Variants in ATRX observed in about 807,000 individuals in gnomAD.
ATRX encodes the protein ATRX chromatin remodeler, also known as chromatin remodeler ATRX.
A neutral mutation model predicts 172.6 loss-of-function variants in ATRX; 12 were observed. The observed-to-expected ratio is 0.07, with a 90% CI of 0.04 to 0.11. The LOEUF (loss-of-function observed/expected upper bound fraction) is 0.11, where lower values mean the gene tolerates loss of function less well. Ranked by LOEUF, ATRX falls within the 10% of genes least tolerant of loss-of-function variation. The pLI is 1.00. For missense variants in ATRX, 1,368 were observed against 1,767.4 expected (o/e 0.77, Z 4.05); for synonymous variants, 674 against 594.7 (o/e 1.13, Z -1.94).
At chrX:77,527,309 C>G (rs2063413793) in intron 30 of ATRX, among the ~76,000 whole-genome samples, 1 of 111,512 alleles carries the variant, frequency 9.0e-6, no homozygotes, top group African/African-American at 3.3e-5. Context: ...TATCCAGGTT[C>G]TCACATTGGG....
In ATRX at chrX:77,682,269, G is replaced by A. The variant is rs2148584222; in HGVS notation, c.2987C>T (p.Ser996Leu). ...KKGTEEKKKP[S>L]DFKKKVIKME... ...TTTAATTACTTTTTTCTTAAAGTCT[G>A]AAGGTTTCTTTTTTTCTTCAGTTCC... is the stretch of plus-strand genomic sequence containing the variant. Residue 996 changes from serine (S) to leucine (L), a missense_variant, in exon 9 of 35, where the codon TCA (serine) becomes TTA (leucine). Ser to Leu is a moderately radical substitution (Grantham distance 145, BLOSUM62 -2). This residue lies in a region of ATRX where 843 missense variants were observed against 643.1 expected (regional missense o/e 1.31). Coordinates refer to ENST00000373344, the MANE Select transcript of ATRX (RefSeq NM_000489.6). The A allele has an allele frequency of 8.3e-7, 1 of 1,200,600 alleles. No homozygotes were observed. The highest frequency in any genetic ancestry group is 1.8e-5 in the African/African-American group (1 of 56,893).
At chrX:77,721,798 C>A (rs920787734) in intron 1 of ATRX, among the ~76,000 whole-genome samples, 3 of 111,655 alleles carry the variant, frequency 2.7e-5, no homozygotes, top group African/African-American at 9.8e-5. Context: ...CACTGACTTT[C>A]TTCACAGAAT....
intron 10 of ATRX, among the ~76,000 whole-genome samples, chrX:77,671,196 A>ATATATAT (rs2070592866): frequency 5.7e-5 from 5 of 88,159 alleles, no homozygotes; most frequent in Admixed American, 1.3e-4. Context: ...ATATATATAT[A>ATATATAT]AAACTAAGGC....
intron 30 of ATRX, among the ~76,000 whole-genome samples, chrX:77,537,436 G>T (rs946478212): frequency 9.0e-6 from 1 of 111,288 alleles, no homozygotes; most frequent in South Asian, 3.8e-4. Context: ...TCTTCTCTTG[G>T]CTGGCTTCTG....
chrX:77,647,508 T>C (rs1309707566), intron 15 of ATRX, among the ~76,000 whole-genome samples: 1 of 111,970 alleles, frequency 8.9e-6, no homozygotes, highest in Admixed American at 9.5e-5. Flanking sequence ...ATGAAGAAGC[T>C]ACATGGTAGG....
At position 77,682,892 on chromosome X, in the gene ATRX, T is replaced by C; in HGVS notation, c.2364A>G (p.Ser788=). The change falls in exon 9 of 35, where the codon TCA becomes TCG. Residue 788 remains serine (S), a synonymous_variant. Coordinates refer to ENST00000373344, the MANE Select transcript of ATRX (RefSeq NM_000489.6). The part of the protein sequence containing the change: ...KRKRKSSTSG[S]DFDTKKGKSA... ...ATTTGCCCTTTTTAGTATCAAAATC[T>C]GAGCCAGATGTAGAACTTTTTCGTT... 1 of 1,210,366 alleles carries C rather than the reference T, an allele frequency of 8.3e-7. No homozygotes were observed. The highest frequency in any genetic ancestry group is 1.1e-6 in the Non-Finnish European group (1 of 895,152).
chrX:77,542,086 TCTC>T (rs1234416300), intron 30 of ATRX, among the ~76,000 whole-genome samples: 5 of 111,625 alleles, frequency 4.5e-5, no homozygotes, highest in African/African-American at 6.5e-5. Context: ...CAGCCCAAAA[TCTC>T]CTTAAGCTGA....
chrX:77,564,674 C>T (rs538608819), intron 28 of ATRX, among the ~76,000 whole-genome samples: 1 of 110,384 alleles, frequency 9.1e-6, no homozygotes, highest in African/African-American at 3.3e-5. Context: ...TGTGAGCCAC[C>T]GAGCCCAGCT....
chrX:77,766,557 C>T (rs1333260034), intron 1 of ATRX, among the ~76,000 whole-genome samples: 12 of 108,467 alleles, frequency 1.1e-4, no homozygotes, highest in East Asian at 5.9e-4. Flanking sequence ...CGCAGCCGGG[C>T]AGAGGCGCTC....
At chrX:77,666,791 C>T (rs782712132) in intron 10 of ATRX, among the ~76,000 whole-genome samples, 9 of 111,419 alleles carry the variant, frequency 8.1e-5, no homozygotes, top group Middle Eastern at 4.6e-3. Context: ...ACCCGGGAGG[C>T]GGAGGTTGCA....
chrX:77,636,590 AG>A (rs1162311867), intron 15 of ATRX, among the ~76,000 whole-genome samples: 1 of 111,333 alleles, frequency 9.0e-6, no homozygotes, highest in Non-Finnish European at 1.9e-5. Context: ...CAATAAAGCC[AG>A]GACAGAGCCC....
chrX:77,562,027 C>A (rs1289447902), intron 28 of ATRX, among the ~76,000 whole-genome samples: 2 of 111,933 alleles, frequency 1.8e-5, no homozygotes, highest in Non-Finnish European at 3.8e-5. Context: ...CGTATTCATG[C>A]CCTTCCCCTA....
At chrX:77,576,726 G>A (rs2065633507) in intron 27 of ATRX, among the ~76,000 whole-genome samples, 1 of 111,261 alleles carries the variant, frequency 9.0e-6, no homozygotes, top group Non-Finnish European at 1.9e-5. Flanking sequence ...ACAACATGGA[G>A]CACTCTGGGA....
In ATRX at chrX:77,706,367, T is replaced by C. The variant is rs782736768; in HGVS notation, c.134-7738A>G. On this transcript the variant is annotated intron_variant, in intron 2 of 34. Transcript: ENST00000373344. The stretch of plus-strand genomic sequence containing the variant: ...CAATAAATGGTGCTGAGACAACTGG[T>C]TAGAAACCTACAAAAAATGAAGCTG... Among the ~76,000 whole-genome samples, 3 of 110,753 alleles carry C rather than the reference T, an allele frequency of 2.7e-5. No individual in the cohort carries two copies. In the East Asian group the frequency reaches 8.5e-4, roughly 31 times the overall value.
At chrX:77,511,522 A>T (rs1484086636) in intron 34 of ATRX, among the ~76,000 whole-genome samples, 2 of 112,013 alleles carry the variant, frequency 1.8e-5, no homozygotes, top group African/African-American at 6.5e-5. Flanking sequence ...TGTGACAGAG[A>T]ATTCAAAAGA....
At chrX:77,582,356 C>A (rs2065853468) in intron 27 of ATRX, among the ~76,000 whole-genome samples, 1 of 107,231 alleles carries the variant, frequency 9.3e-6, no homozygotes, top group South Asian at 4.2e-4. Context: ...GCCGAGATTG[C>A]GCCACTGTAT....
chrX:77,722,891 CAT>C (rs1372660173), intron 1 of ATRX, among the ~76,000 whole-genome samples: 2 of 111,545 alleles, frequency 1.8e-5, no homozygotes, highest in African/African-American at 6.5e-5. Flanking sequence ...CACATGCACA[CAT>C]GTTTACTGCA....
intron 19 of ATRX, among the ~76,000 whole-genome samples, chrX:77,627,575 T>C (rs1557103843): frequency 1.8e-5 from 2 of 109,266 alleles, no homozygotes; most frequent in African/African-American, 3.3e-5. Flanking sequence ...AAAAAATTAG[T>C]TGTGTGTCAG....
Position 77,620,418 on chromosome X carries a change from G to C in ATRX, c.5249C>G (p.Pro1750Arg), listed in dbSNP as rs2148269483. Residue 1750 changes from proline to arginine, a missense_variant, in exon 20 of 35, where the codon CCA becomes CGA. Coordinates refer to ENST00000373344, the MANE Select transcript of ATRX (RefSeq NM_000489.6). The stretch of plus-strand genomic sequence containing the variant: ...ACACTCAATTAGGTTATTTTGAAGT[G>C]GTGTTCCTGTTAAAATAATCCTCCT... ...SRRRIILTGT[P>R]LQNNLIEYHC... is the part of the protein sequence containing the mutation. The C allele has an allele frequency of 8.3e-7, 1 of 1,208,238 alleles. No homozygotes were observed. The highest frequency in any genetic ancestry group is 1.1e-6 in the Non-Finnish European group (1 of 892,675).
Sources: allele counts gnomAD v4.1 joint callset (sites outside exome capture counted in the v4.1 genomes callset), GRCh38; gene constraint gnomAD v4.1.1; regional missense constraint gnomAD v4.1.1; transcripts MANE v1.5; gene names NCBI Gene and HGNC (gene_info 2026-07-23, HGNC 2026-07-21).